The following PUM3 variants were observed in gnomAD, a reference collection of about 807,000 sequenced individuals.
PUM3 encodes pumilio homolog 3.
PUM3 carries 91 observed loss-of-function variants against 84.0 expected under a neutral mutation model. The observed-to-expected ratio is 1.08, with a 90% CI of 0.91 to 1.29. PUM3 has a LOEUF of 1.29. PUM3 is among the 50% of genes most tolerant of loss of function. The pLI, the probability that PUM3 is intolerant of heterozygous loss-of-function variation, is 0.00. For synonymous variants in PUM3, 321 were observed against 266.7 expected, an observed-to-expected ratio of 1.20 and a Z score of -1.98; for missense variants, 1,067 against 767.5, an observed-to-expected ratio of 1.39 and a Z score of -4.61.
intron 3 of PUM3, 130 bp downstream of exon 3, chr9:2,837,050 T>C: frequency 2.7e-6 from 2 of 744,432 alleles, no homozygotes; most frequent in Non-Finnish European, 4.6e-6. Context: ...TTGTTGTTTA[T>C]TTAAGCCACC....
intron 6 of PUM3, 75 bp downstream of exon 6, chr9:2,831,176 C>G: frequency 8.7e-7 from 1 of 1,149,512 alleles, no homozygotes; most frequent in Non-Finnish European, 1.3e-6. Context: ...TTTTCTAGGA[C>G]AGTCTTGGGT....
At chr9:2,805,126 A>C (rs537770702) in intron 17 of PUM3, among the ~76,000 whole-genome samples, 1 of 152,360 alleles carries the variant, frequency 6.6e-6, no homozygotes, top group South Asian at 2.1e-4. Flanking sequence ...GATTCACAAC[A>C]GAGTCCACCT....
At chr9:2,839,752 C>T (rs769473537) in intron 1 of PUM3, among the ~76,000 whole-genome samples, 1 of 152,236 alleles carries the variant, frequency 6.6e-6, no homozygotes, top group East Asian at 1.9e-4. Context: ...GCCATCATAA[C>T]CATACCTGCA....
At chr9:2,809,592 T>C (rs554593890) in intron 16 of PUM3, among the ~76,000 whole-genome samples, 1 of 152,312 alleles carries the variant, frequency 6.6e-6, no homozygotes, top group Non-Finnish European at 1.5e-5. Context: ...CATGAATTCA[T>C]GATCTGTCAC....
intron 10 of PUM3, 46 bp downstream of exon 10, chr9:2,827,027 G>A (rs770921140): frequency 6.1e-5 from 89 of 1,462,812 alleles, no homozygotes; most frequent in African/African-American, 7.0e-5. Context: ...TTTCTACACC[G>A]CTCCTCCTCC....
chr9:2,828,714 A>T lies in PUM3; in HGVS notation c.917T>A (p.Met306Lys), dbSNP rs755923388. 4 of 1,609,042 alleles carry T rather than the reference A, an allele frequency of 2.5e-6. No homozygotes were observed. The highest frequency in any genetic ancestry group is 3.4e-6 in the Non-Finnish European group (4 of 1,175,496). ...AGTTAGAATCTGTTTCATTTCATCC[A>T]TAATAAGTTCTAATTTTTCTGGCTG... is the stretch of plus-strand genomic sequence containing the variant. ...EVQPEKLELI[M>K]DEMKQILTPM... The change falls in exon 9 of 18, where the codon ATG becomes AAG. Residue 306 changes from methionine (M) to lysine (K), a missense_variant. Transcript: ENST00000397885.
chr9:2,829,709 C>A (rs1311223874), intron 8 of PUM3, 65 bp downstream of exon 8: 55 of 1,385,490 alleles, frequency 4.0e-5, no homozygotes, highest in Non-Finnish European at 5.3e-5. Context: ...ATATAGGGCA[C>A]CGGAAGTTAA....
intron 3 of PUM3, 125 bp downstream of exon 3, chr9:2,837,055 G>T: frequency 1.3e-6 from 1 of 763,988 alleles, no homozygotes; most frequent in Non-Finnish European, 2.2e-6. Flanking sequence ...GTTTATTTAA[G>T]CCACCTACCT....
intron 10 of PUM3, among the ~76,000 whole-genome samples, chr9:2,826,646 G>C (rs1161616269): frequency 6.6e-6 from 1 of 152,158 alleles, no homozygotes; most frequent in Non-Finnish European, 1.5e-5. Context: ...GTTCTTCTAT[G>C]ATATAAAGTC....
chr9:2,808,283 C>T (rs1315339436), intron 16 of PUM3, among the ~76,000 whole-genome samples: 4 of 152,192 alleles, frequency 2.6e-5, no homozygotes, highest in Admixed American at 6.5e-5. Flanking sequence ...TGGTTGAAAT[C>T]AAGTTCTTCC....
intron 7 of PUM3, among the ~76,000 whole-genome samples, chr9:2,830,270 A>T (rs1815940337): frequency 6.6e-6 from 1 of 152,262 alleles, no homozygotes; most frequent in East Asian, 1.9e-4. Flanking sequence ...TAAAAGAATT[A>T]AACAGCTGGA....
intron 13 of PUM3, among the ~76,000 whole-genome samples, chr9:2,813,621 C>A (rs575913463): frequency 6.6e-6 from 1 of 152,296 alleles, no homozygotes; most frequent in South Asian, 2.1e-4. Flanking sequence ...ATATTCAGAT[C>A]TGCTCTTCTT....
At chr9:2,835,839 G>C (rs1241374491) in intron 3 of PUM3, among the ~76,000 whole-genome samples, 3 of 152,108 alleles carry the variant, frequency 2.0e-5, no homozygotes, top group Non-Finnish European at 4.4e-5. Flanking sequence ...GTCCCATTTT[G>C]AGATATCAGG....
At chr9:2,828,009 C>G (rs183429297) in intron 9 of PUM3, among the ~76,000 whole-genome samples, 1 of 152,256 alleles carries the variant, frequency 6.6e-6, no homozygotes, top group Admixed American at 6.5e-5. Context: ...GGCACATGCA[C>G]AGGCTTCCAA....
rs1022867086 is a variant in PUM3 at position 2,826,500 on chromosome 9, G to A, written c.1035+573C>T. ...AGTCTCATTATTTTCATTATCCCTT[G>A]TGATTGGAAAATGAGGACAAATGGA... On this transcript the variant is annotated intron_variant, in intron 10 of 17. Coordinates refer to ENST00000397885, the MANE Select transcript of PUM3 (RefSeq NM_014878.5). Among the ~76,000 whole-genome samples the A allele has an allele frequency of 5.3e-5, 8 of 152,258 alleles. No homozygotes were observed. The East Asian group carries it at 1.2e-3, about 22-fold the overall frequency.
At chr9:2,835,231 A>G (rs1432983210) in intron 3 of PUM3, among the ~76,000 whole-genome samples, 1 of 152,146 alleles carries the variant, frequency 6.6e-6, no homozygotes, top group African/African-American at 2.4e-5. Context: ...TGGGCGAAAT[A>G]GTGAGACCCC....
intron 5 of PUM3, among the ~76,000 whole-genome samples, chr9:2,831,717 T>C (rs951090168): frequency 6.6e-6 from 1 of 152,234 alleles, no homozygotes; most frequent in Admixed American, 6.5e-5. Flanking sequence ...AAAGGTCTGT[T>C]ACTGTATGAT....
intron 10 of PUM3, 107 bp from the exon 11 acceptor site, chr9:2,824,922 GA>G: frequency 1.7e-6 from 1 of 578,152 alleles, no homozygotes; most frequent in South Asian, 5.2e-5. Flanking sequence ...AGGAAAGGAA[GA>G]GAGTGCCAGG....
At chr9:2,808,955 G>T (rs1321025114) in intron 16 of PUM3, among the ~76,000 whole-genome samples, 1 of 152,112 alleles carries the variant, frequency 6.6e-6, no homozygotes, top group Non-Finnish European at 1.5e-5. Flanking sequence ...TCTTAAAAAA[G>T]CAACCACCAT....
Sources: gnomAD v4.1 joint callset for allele counts (sites outside exome capture counted in the v4.1 genomes callset) on GRCh38, gnomAD v4.1.1 for gene constraint, MANE v1.5 for transcripts, NCBI Gene and HGNC (gene_info 2026-07-23, HGNC 2026-07-21) for gene names.